The following IKBKE variants were observed in gnomAD, a reference collection of about 807,000 sequenced individuals.
The protein encoded by IKBKE is inhibitor of nuclear factor kappa-B kinase subunit epsilon.
Under a neutral mutation model 92.1 loss-of-function variants are expected in IKBKE, and 45 were observed. The ratio of observed to expected loss-of-function variants is 0.49; its 90% CI spans 0.38 to 0.63. The LOEUF (loss-of-function observed/expected upper bound fraction) is 0.63. IKBKE is among the 20% of genes least tolerant of loss of function. IKBKE has a pLI of 0.00. For missense variants in IKBKE, 700 were observed against 932.8 expected (o/e 0.75, Z 3.25); for synonymous variants, 374 against 380.3 (o/e 0.98, Z 0.19).
rs1664943908 is a variant in IKBKE, at chr1:206,474,405, G to A, written c.162G>A (p.Arg54=). The change falls in exon 4 of 22, where the codon AGG becomes AGA. Residue 54 remains arginine, a synonymous_variant. Transcript: ENST00000581977. ...TGCGGCCCCGCGAGGTGCAGGTGAG[G>A]GAGTTTGAGGTCCTGCGGAAGCTGA... ...SYLRPREVQV[R]EFEVLRKLNH... The A allele has an allele frequency of 6.2e-7, 1 of 1,614,138 alleles. No homozygotes were observed. The highest frequency in any genetic ancestry group is 8.5e-7 in the Non-Finnish European group (1 of 1,179,968).
In IKBKE at chr1:206,478,169, G is replaced by A; in HGVS notation, c.822G>A (p.Gln274=). The A allele has an allele frequency of 6.2e-7, 1 of 1,613,722 alleles. No individual in the cohort carries two copies. The highest frequency in any genetic ancestry group is 8.5e-7 in the Non-Finnish European group (1 of 1,180,004). The part of the protein sequence containing the change: ...PITCQLSLGL[Q]SQLVPILANI... ...TGTCCTGGGAGGGCAGGGGGCTGCAGAGCCAGCTGGTGCCCATCCTGGCCA... is the reference window on the plus strand; with the variant it reads ...TGTCCTGGGAGGGCAGGGGGCTGCAAAGCCAGCTGGTGCCCATCCTGGCCA... Residue 274 remains glutamine, a synonymous_variant, in exon 9 of 22, where the codon CAG becomes CAA. Coordinates refer to ENST00000581977, the MANE Select transcript of IKBKE (RefSeq NM_014002.4). This position sits in a 1 kb window ranked among gnomAD's most constrained non-coding sequence, Gnocchi z 4.8.
Position 206,485,338 on chromosome 1 carries a change from G to C in IKBKE, c.1616+32G>C, listed in dbSNP as rs1665601101. ...GGGATTTTCCTTCTTTGTGGGGTGGGAGTGGGGGAGTGGGCAGCTCCAAAG... is the reference window on the plus strand; with the variant it reads ...GGGATTTTCCTTCTTTGTGGGGTGGCAGTGGGGGAGTGGGCAGCTCCAAAG... On this transcript the variant is annotated intron_variant, in intron 15 of 21. Transcript: ENST00000581977. This position sits in a 1 kb window ranked among gnomAD's most constrained non-coding sequence, Gnocchi z 5.0. 7.9e-7 allele frequency: 1 copy of C among 1,261,914 alleles called. No individual in the cohort carries two copies. The highest frequency in any genetic ancestry group is 1.2e-6 in the Non-Finnish European group (1 of 859,836). The allele number at this position is 1,261,914 out of a possible 1,614,324, so 78.2% of individuals were successfully genotyped here.
chr1:206,486,591 C>T (rs1665674896), intron 15 of IKBKE, among the ~76,000 whole-genome samples: 1 of 138,516 alleles, frequency 7.2e-6, no homozygotes, highest in Non-Finnish European at 1.5e-5. Context: ...CTGAGGATCC[C>T]AGGCCCTGTC....
rs2103455748 is a variant in IKBKE at position 206,476,702 on chromosome 1, G to A, written c.565G>A (p.Val189Met). Reference sequence around the variant, plus strand: ...GCATCCCGACATGTATGAGCGGGCGGTGCTTCGAAAGCCCCAGCAAAAAGC... The same window carrying A: ...GCATCCCGACATGTATGAGCGGGCGATGCTTCGAAAGCCCCAGCAAAAAGC... ...YLHPDMYERA[V>M]LRKPQQKAFG... The change falls in exon 7 of 22, where the codon GTG (valine) becomes ATG (methionine). Residue 189 changes from valine (V) to methionine (M), a missense_variant. By Grantham distance (21) the Val-to-Met change is conservative. Transcript: ENST00000581977. This position sits in a 1 kb window ranked among gnomAD's most constrained non-coding sequence, Gnocchi z 5.1. 6.2e-7 allele frequency: 1 copy of A among 1,614,244 alleles called. No individual in the cohort carries two copies.
chr1:206,486,585 G>T (rs1329312708), intron 15 of IKBKE, among the ~76,000 whole-genome samples: 1 of 151,010 alleles, frequency 6.6e-6, no homozygotes, highest in Non-Finnish European at 1.5e-5. Context: ...TGAAGGCTGA[G>T]GATCCCAGGC....
chr1:206,471,970 G>C (rs138355250), intron 2 of IKBKE, among the ~76,000 whole-genome samples: 2 of 152,350 alleles, frequency 1.3e-5, no homozygotes, highest in Admixed American at 1.3e-4. Flanking sequence ...AAGTGGCCAG[G>C]CATGGTGGCT....
At chr1:206,496,072 C>T in intron 21 of IKBKE, 40 bp from the exon 22 acceptor site, 1 of 1,588,390 alleles carries the variant, frequency 6.3e-7, no homozygotes, top group African/African-American at 1.3e-5. Context: ...GCAGGCCTCT[C>T]CAACAGGTGG....
intron 20 of IKBKE, 61 bp downstream of exon 20, chr1:206,493,439 T>C (rs1553391275): frequency 7.9e-7 from 1 of 1,273,804 alleles, no homozygotes; most frequent in African/African-American, 1.5e-5. Flanking sequence ...GGGAGCAGAG[T>C]ATGCTGAGGT....
chr1:206,494,891 A>G (rs1372300645), intron 21 of IKBKE, among the ~76,000 whole-genome samples: 2 of 150,984 alleles, frequency 1.3e-5, no homozygotes, highest in African/African-American at 4.9e-5. Context: ...GACATGAACC[A>G]CTGCGCCCGG....
intron 13 of IKBKE, among the ~76,000 whole-genome samples, chr1:206,482,936 C>T (rs138952749): frequency 5.1e-4 from 78 of 152,390 alleles, no homozygotes; most frequent in African/African-American, 1.6e-3. Context: ...CCCACCTTTG[C>T]CCATCCTGGT....
Position 206,479,902 on chromosome 1 carries a change from G to A in IKBKE, c.1216G>A (p.Val406Met). 1 of 1,613,958 alleles carries A rather than the reference G, an allele frequency of 6.2e-7. No homozygotes were observed. Among genetic ancestry groups the A allele is most frequent in the Non-Finnish European group, 8.5e-7 (1 of 1,179,992 alleles). ...GGACGTCCCCAAGTTCGTCCCCAAA[G>A]TGGACCTGCAGGCGGATTACAACAC... Reference protein sequence around the residue: ...ALDVPKFVPKVDLQADYNTAK... With the variant: ...ALDVPKFVPKMDLQADYNTAK... Residue 406 changes from valine (V) to methionine (M), a missense_variant, in exon 11 of 22, where the codon GTG becomes ATG. Val to Met is a conservative substitution (Grantham distance 21). Coordinates refer to ENST00000581977, the MANE Select transcript of IKBKE (RefSeq NM_014002.4).
In IKBKE at chr1:206,487,948, A is replaced by T. The variant is rs782626505; in HGVS notation, c.1651A>T (p.Asn551Tyr). The T allele has an allele frequency of 5.0e-6, 8 of 1,613,762 alleles. No individual in the cohort carries two copies. In the East Asian group the frequency reaches 1.8e-4, roughly 36 times the overall value. The change falls in exon 16 of 22, where the codon AAC becomes TAC. Residue 551 changes from asparagine (N) to tyrosine (Y), a missense_variant. Asn to Tyr is a moderately radical substitution (Grantham distance 143). Coordinates refer to ENST00000581977, the MANE Select transcript of IKBKE (RefSeq NM_014002.4). This position sits in a 1 kb window ranked among gnomAD's most constrained non-coding sequence, Gnocchi z 5.3. ...QQIQCCLDKM[N>Y]FIYKQFKKSR... Reference sequence around the variant, plus strand: ...GATTCAGTGCTGTTTGGACAAGATGAACTTCATCTACAAACAGTTCAAGAA... The same window carrying T: ...GATTCAGTGCTGTTTGGACAAGATGTACTTCATCTACAAACAGTTCAAGAA...
chr1:206,471,400 G>A (rs564364321), intron 2 of IKBKE, among the ~76,000 whole-genome samples, 155 bp downstream of exon 2: 3 of 152,146 alleles, frequency 2.0e-5, no homozygotes, highest in South Asian at 2.1e-4. Context: ...TTGGGGTGGT[G>A]GGGGGAGGAT....
Position 206,496,453 on chromosome 1 carries a change from G to C in IKBKE, c.*308G>C, listed in dbSNP as rs564754265. ...GCTCCTCCATGCCCATGGCTGGGCC[G>C]TGGGGAGAAGAAGCTCTCATACGCC... On this transcript the variant is annotated 3_prime_UTR_variant, in exon 22 of 22. Coordinates refer to ENST00000581977, the MANE Select transcript of IKBKE (RefSeq NM_014002.4). The C allele has an allele frequency of 1.6e-3, 675 of 414,066 alleles. 7 individuals carry two copies. The highest frequency in any genetic ancestry group is 0.012 in the African/African-American group (628 of 50,444). The allele number at this position is 414,066 out of a possible 1,614,324, so 25.6% of individuals were successfully genotyped here. A position where few individuals can be genotyped will look rare whatever the true frequency, so the allele number is the denominator to read the frequency against.
intron 15 of IKBKE, among the ~76,000 whole-genome samples, chr1:206,486,839 C>T (rs1665692668): frequency 6.6e-6 from 1 of 151,736 alleles, no homozygotes; most frequent in Non-Finnish European, 1.5e-5. Context: ...AGGCCCCGTC[C>T]TTTTGGATGA....
chr1:206,494,592 C>CTTTTCTTTTTT (rs1666126346), intron 21 of IKBKE, among the ~76,000 whole-genome samples: 1 of 63,900 alleles, frequency 1.6e-5, no homozygotes, highest in Admixed American at 2.1e-4. Context: ...AAAGTTCTTT[C>CTTTTCTTTTTT]TTTTTTTTTT....
chr1:206,488,117 T>C, intron 16 of IKBKE, 127 bp downstream of exon 16: 7 of 701,842 alleles, frequency 1.0e-5, no homozygotes, highest in Non-Finnish European at 1.8e-5. Context: ...CTCCAGCTGG[T>C]GGTTCTTGGA....
intron 13 of IKBKE, 93 bp downstream of exon 13, chr1:206,480,626 CA>C: frequency 1.2e-6 from 1 of 813,332 alleles, no homozygotes. Flanking sequence ...TCTTCTCCCC[CA>C]AGCCAGGGCT....
chr1:206,475,472 T>C (rs2103452442), intron 5 of IKBKE, among the ~76,000 whole-genome samples: 1 of 152,262 alleles, frequency 6.6e-6, no homozygotes, highest in South Asian at 2.1e-4. Context: ...CAGTGGCTCA[T>C]GCCTGTAATC....
Sources: gnomAD v4.1 joint callset for allele counts (sites outside exome capture counted in the v4.1 genomes callset) on GRCh38, gnomAD v4.1.1 for gene constraint, Gnocchi (gnomAD v3.1) non-coding constraint, MANE v1.5 for transcripts, NCBI Gene and HGNC (gene_info 2026-07-23, HGNC 2026-07-21) for gene names.